The following NR3C2 variants were observed in gnomAD, a reference collection of about 807,000 sequenced individuals.
NR3C2 encodes the protein nuclear receptor subfamily 3 group C member 2.
A neutral mutation model predicts 86.4 loss-of-function variants in NR3C2; 15 were observed. That is an observed-to-expected ratio of 0.17 (90% CI 0.12 to 0.27). NR3C2 has a LOEUF of 0.27. NR3C2 is among the 10% of genes least tolerant of loss of function. The pLI is 1.00. For synonymous variants in NR3C2, 458 were observed against 450.5 expected, an observed-to-expected ratio of 1.02 and a Z score of -0.21; for missense variants, 960 against 1,195.6, an observed-to-expected ratio of 0.80 and a Z score of 2.91.
At chr4:148,352,556 T>C (rs1311097650) in intron 2 of NR3C2, among the ~76,000 whole-genome samples, 2 of 152,108 alleles carry the variant, frequency 1.3e-5, no homozygotes, top group Non-Finnish European at 2.9e-5. Context: ...ACACTGTGTA[T>C]TTTCTCCTAC....
At chr4:148,151,295 T>C (rs1344071161) in intron 6 of NR3C2, among the ~76,000 whole-genome samples, 1 of 152,204 alleles carries the variant, frequency 6.6e-6, no homozygotes, top group Non-Finnish European at 1.5e-5. Flanking sequence ...CTCTTTAATA[T>C]GTGTTTTCTT....
intron 4 of NR3C2, among the ~76,000 whole-genome samples, chr4:148,185,347 G>A (rs899919237): frequency 4.6e-5 from 7 of 152,156 alleles, no homozygotes; most frequent in Non-Finnish European, 7.4e-5. Context: ...CTTGGAGCAC[G>A]TCCTCACATT....
chr4:148,225,829 T>A (rs536480194), intron 3 of NR3C2, among the ~76,000 whole-genome samples: 1 of 152,104 alleles, frequency 6.6e-6, no homozygotes, highest in Non-Finnish European at 1.5e-5. Flanking sequence ...CCTAATGTTT[T>A]CACACTCTTA....
intron 2 of NR3C2, among the ~76,000 whole-genome samples, chr4:148,324,699 A>G (rs1743862502): frequency 6.6e-6 from 1 of 152,166 alleles, no homozygotes; most frequent in South Asian, 2.1e-4. Context: ...AAAACCCCAA[A>G]CTGATTACCA....
chr4:148,138,792 AAC>A (rs1303477399), intron 6 of NR3C2, among the ~76,000 whole-genome samples: 1 of 152,244 alleles, frequency 6.6e-6, no homozygotes, highest in Non-Finnish European at 1.5e-5. Context: ...TCCCAAATGC[AAC>A]AGTGTTGAGA....
At chr4:148,134,106 C>T (rs1235077336) in intron 6 of NR3C2, among the ~76,000 whole-genome samples, 1 of 152,128 alleles carries the variant, frequency 6.6e-6, no homozygotes, top group Admixed American at 6.5e-5. Flanking sequence ...CATCATCTGC[C>T]TGAATAGAAA....
At chr4:148,248,371 G>A (rs1026251347) in intron 3 of NR3C2, among the ~76,000 whole-genome samples, 2 of 152,140 alleles carry the variant, frequency 1.3e-5, no homozygotes, top group Admixed American at 6.6e-5. Flanking sequence ...GATGGTGCAG[G>A]CCAGATGAAA....
Position 148,149,441 on chromosome 4 carries a change from C to T in NR3C2, c.2510+3028G>A, listed in dbSNP as rs906618536. On this transcript the variant is annotated intron_variant, in intron 6 of 8. Transcript: ENST00000358102. ...GGTGCTTTCCCCTAAGTTCCATTTACGAAAAAACATTCTTACAATTCTGTA... is the reference window on the plus strand; with the variant it reads ...GGTGCTTTCCCCTAAGTTCCATTTATGAAAAAACATTCTTACAATTCTGTA... 5.9e-5 allele frequency among the ~76,000 whole-genome samples: 9 copies of T among 151,788 alleles called. No individual in the cohort carries two copies. In the South Asian group the frequency reaches 1.0e-3, roughly 17 times the overall value.
intron 3 of NR3C2, among the ~76,000 whole-genome samples, chr4:148,218,951 T>C (rs1427741959): frequency 1.3e-5 from 2 of 152,206 alleles, no homozygotes; most frequent in Non-Finnish European, 2.9e-5. Flanking sequence ...TGGGCATACA[T>C]TTTCATTTTT....
At chr4:148,176,135 C>T (rs1735364774) in intron 4 of NR3C2, among the ~76,000 whole-genome samples, 1 of 152,174 alleles carries the variant, frequency 6.6e-6, no homozygotes, top group South Asian at 2.1e-4. Context: ...AAGTCAGCTG[C>T]TAGAAAGAGG....
At chr4:148,082,785 ACCACCACGG>A (rs1349744970) in intron 8 of NR3C2, among the ~76,000 whole-genome samples, 1 of 150,926 alleles carries the variant, frequency 6.6e-6, no homozygotes, top group Non-Finnish European at 1.5e-5. Context: ...AGCGGATCCC[ACCACCACGG>A]AGCCTAGCAA....
chr4:148,283,052 G>A (rs1444392423), intron 2 of NR3C2, among the ~76,000 whole-genome samples: 1 of 152,154 alleles, frequency 6.6e-6, no homozygotes, highest in East Asian at 1.9e-4. Context: ...ACAAGGAAAC[G>A]TTATTTAAAA....
At chr4:148,146,050 A>G (rs771694359) in intron 6 of NR3C2, among the ~76,000 whole-genome samples, 6 of 152,076 alleles carry the variant, frequency 3.9e-5, no homozygotes, top group Non-Finnish European at 7.4e-5. Flanking sequence ...CCAGTGAGCC[A>G]AGGAGAAGTA....
intron 8 of NR3C2, among the ~76,000 whole-genome samples, chr4:148,113,693 G>A (rs999409560): frequency 1.3e-5 from 2 of 152,132 alleles, no homozygotes; most frequent in African/African-American, 4.8e-5. Context: ...CTAAGCTAAG[G>A]AATCTGAGAG....
At chr4:148,214,566 GGAAGA>G (rs1177603691) in intron 3 of NR3C2, among the ~76,000 whole-genome samples, 6 of 152,136 alleles carry the variant, frequency 3.9e-5, no homozygotes, top group Admixed American at 2.6e-4. Flanking sequence ...AAGAAAACAG[GGAAGA>G]GAAGACTGCT....
intron 7 of NR3C2, among the ~76,000 whole-genome samples, chr4:148,115,802 C>T (rs1447752231): frequency 1.3e-5 from 2 of 152,170 alleles, no homozygotes; most frequent in Non-Finnish European, 1.5e-5. Context: ...TGCACAAATT[C>T]CTGAGGCTGC....
At chr4:148,156,109 A>T (rs957881094) in intron 4 of NR3C2, among the ~76,000 whole-genome samples, 4 of 152,152 alleles carry the variant, frequency 2.6e-5, no homozygotes, top group Non-Finnish European at 5.9e-5. Context: ...ACAAAAATTA[A>T]TTCAAGATTG....
intron 2 of NR3C2, among the ~76,000 whole-genome samples, chr4:148,343,192 A>G (rs987923284): frequency 6.6e-6 from 1 of 152,202 alleles, no homozygotes; most frequent in African/African-American, 2.4e-5. Flanking sequence ...TGCCAACTCT[A>G]TAGGACTCAG....
intron 6 of NR3C2, among the ~76,000 whole-genome samples, chr4:148,126,072 G>C (rs1406208551): frequency 6.6e-6 from 1 of 152,174 alleles, no homozygotes; most frequent in African/African-American, 2.4e-5. Flanking sequence ...ATATGCATTT[G>C]ATTCCTTAAG....
Sources: gnomAD v4.1 joint callset for allele counts (sites outside exome capture counted in the v4.1 genomes callset) on GRCh38, gnomAD v4.1.1 for gene constraint, MANE v1.5 for transcripts, NCBI Gene and HGNC (gene_info 2026-07-23, HGNC 2026-07-21) for gene names.